The following BANK1 variants were observed in gnomAD, a reference collection of about 807,000 sequenced individuals.
The protein encoded by BANK1 is B-cell scaffold protein with ankyrin repeats.
Under a neutral mutation model 94.5 loss-of-function variants are expected in BANK1, and 95 were observed. That is an observed-to-expected ratio of 1.00 (90% CI 0.85 to 1.19). The LOEUF is 1.19. Among genes scored for constraint, BANK1 ranks in the 50% most tolerant of loss-of-function variants. The pLI is 0.00. For missense variants in BANK1, 987 were observed against 932.2 expected (o/e 1.06, Z -0.77); for synonymous variants, 334 against 308.4 (o/e 1.08, Z -0.87).
Position 102,025,519 on chromosome 4 carries a change from AG to A in BANK1, c.1594+12del. 3 of 1,610,230 alleles carry A rather than the reference AG, an allele frequency of 1.9e-6. No individual in the cohort carries two copies. The highest frequency in any genetic ancestry group is 2.5e-6 in the Non-Finnish European group (3 of 1,178,464). On this transcript the variant is annotated intron_variant, in intron 9 of 16. Transcript: ENST00000322953. ...CACTTCACCTTACCAGGTAAGTTTA[AG>A]GTTAGAAAAAAACAAAACAAAACAA...
At chr4:101,911,226 A>C (rs892714450) in intron 6 of BANK1, among the ~76,000 whole-genome samples, 21 of 152,154 alleles carry the variant, frequency 1.4e-4, no homozygotes, top group African/African-American at 4.8e-4. Flanking sequence ...TATAGTGAGC[A>C]TGAGCTCGGG....
intron 7 of BANK1, among the ~76,000 whole-genome samples, chr4:101,939,008 A>G (rs1723659654): frequency 6.6e-6 from 1 of 151,744 alleles, no homozygotes; most frequent in Non-Finnish European, 1.5e-5. Flanking sequence ...CCTGAGACGC[A>G]GCATTTCCTG....
intron 7 of BANK1, among the ~76,000 whole-genome samples, chr4:101,999,475 G>C (rs1725990219): frequency 6.6e-6 from 1 of 152,132 alleles, no homozygotes; most frequent in African/African-American, 2.4e-5. Flanking sequence ...TAAACTCCCT[G>C]GATGTATATC....
chr4:101,941,032 C>A (rs188530757), intron 7 of BANK1, among the ~76,000 whole-genome samples: 11 of 151,898 alleles, frequency 7.2e-5, no homozygotes, highest in African/African-American at 2.4e-4. Context: ...CCCCCCTTTA[C>A]TTATTTTATG....
intron 3 of BANK1, 74 bp from the exon 4 acceptor site, chr4:101,862,452 A>C: frequency 7.8e-7 from 1 of 1,278,966 alleles, no homozygotes; most frequent in Non-Finnish European, 1.1e-6. Flanking sequence ...CTTAATTATA[A>C]AGAAATGTAA....
chr4:102,074,632 AATCT>A lies in BANK1; in HGVS notation c.*636_*639del, dbSNP rs1553947368. 1.3e-5 allele frequency: 2 copies of A among 152,162 alleles called. No homozygotes were observed. The highest frequency in any genetic ancestry group is 4.1e-4 in the South Asian group (2 of 4,828). 9.4% of individuals were successfully genotyped at this position (152,162 alleles called of 1,614,324 possible). On this transcript the variant is annotated 3_prime_UTR_variant, in exon 17 of 17. Coordinates refer to ENST00000322953, the MANE Select transcript of BANK1 (RefSeq NM_017935.5). ...TTGTATTAAGACTTGCAATTTTATC[AATCT>A]ATTATTTCTTAGAAACAATTTACTA... is the stretch of plus-strand genomic sequence containing the variant.
At chr4:101,862,227 A>G (rs1454381668) in intron 3 of BANK1, among the ~76,000 whole-genome samples, 4 of 152,144 alleles carry the variant, frequency 2.6e-5, no homozygotes, top group African/African-American at 9.6e-5. Flanking sequence ...ACAGAGAGCC[A>G]TATTGAGGAA....
chr4:101,929,423 T>C (rs1438935696), intron 7 of BANK1, among the ~76,000 whole-genome samples: 1 of 151,672 alleles, frequency 6.6e-6, no homozygotes, highest in Non-Finnish European at 1.5e-5. Context: ...TAAATTTTAA[T>C]ATTTTAAACA....
intron 7 of BANK1, among the ~76,000 whole-genome samples, chr4:102,007,138 AAT>A (rs1726320029): frequency 3.2e-5 from 1 of 31,284 alleles, no homozygotes; most frequent in African/African-American, 1.2e-4. Flanking sequence ...ATATATAAAA[AAT>A]ATATTTTATA....
At chr4:102,043,327 C>G (rs183529339) in intron 10 of BANK1, among the ~76,000 whole-genome samples, 1 of 151,918 alleles carries the variant, frequency 6.6e-6, no homozygotes, top group Non-Finnish European at 1.5e-5. Flanking sequence ...TGAAGTAATT[C>G]GAATAAGCTG....
At chr4:102,007,083 T>TATATTTTATATATATAA (rs1578450867) in intron 7 of BANK1, among the ~76,000 whole-genome samples, 2 of 72,310 alleles carry the variant, frequency 2.8e-5, no homozygotes, top group Non-Finnish European at 6.7e-5. Context: ...TATATATAAA[T>TATATTTTATATATATAA]ATATATATAA....
chr4:101,790,782 G>A lies in BANK1; in HGVS notation c.-99G>A. On this transcript the variant is annotated 5_prime_UTR_variant, in exon 1 of 17. Coordinates refer to ENST00000322953, the MANE Select transcript of BANK1 (RefSeq NM_017935.5). ...GCAAGCGGGCTGGGGAGAGCCGAGG[G>A]CCAAAGGAAGAGAAAATCGCGGGGA... 2.3e-6 allele frequency: 3 copies of A among 1,314,778 alleles called. No homozygotes were observed. Among genetic ancestry groups the A allele is most frequent in the East Asian group, 5.0e-5 (2 of 39,628 alleles). 81.4% of individuals were successfully genotyped at this position (1,314,778 alleles called of 1,614,324 possible). A position where few individuals can be genotyped will look rare whatever the true frequency, so the allele number is the denominator to read the frequency against.
intron 3 of BANK1, among the ~76,000 whole-genome samples, chr4:101,860,014 C>T (rs1727808811): frequency 1.3e-5 from 2 of 152,068 alleles, no homozygotes; most frequent in Non-Finnish European, 2.9e-5. Context: ...TTTGAAAGTT[C>T]TAAAACTCTT....
chr4:101,847,775 A>G (rs963082869), intron 2 of BANK1, among the ~76,000 whole-genome samples: 2 of 145,994 alleles, frequency 1.4e-5, no homozygotes, highest in Non-Finnish European at 1.5e-5. Flanking sequence ...ACACACACAC[A>G]TATGTCTCAC....
rs1578328555 is a variant in BANK1 at position 101,808,109 on chromosome 4, A to G, written c.70+17159A>G. Among the ~76,000 whole-genome samples the G allele has an allele frequency of 2.0e-5, 3 of 151,982 alleles. No individual in the cohort carries two copies. In the South Asian group the frequency reaches 6.2e-4, roughly 32 times the overall value. On this transcript the variant is annotated intron_variant, in intron 1 of 16. Coordinates refer to ENST00000322953, the MANE Select transcript of BANK1 (RefSeq NM_017935.5). The stretch of plus-strand genomic sequence containing the variant: ...AAAAAAAAAAAAAGAAATGAAATTT[A>G]AAAAAATAAAAAATAAAATCCAAGA...
Position 101,915,725 on chromosome 4 carries a change from A to G in BANK1, c.1010-2268A>G, listed in dbSNP as rs537004437. On this transcript the variant is annotated intron_variant, in intron 6 of 16. Coordinates refer to ENST00000322953, the MANE Select transcript of BANK1 (RefSeq NM_017935.5). ...TTTATGTAATATGAGAGGTAACAACAAAACTGTAGCATAGGGCTTTGATGG... is the reference window on the plus strand; with the variant it reads ...TTTATGTAATATGAGAGGTAACAACGAAACTGTAGCATAGGGCTTTGATGG... Among the ~76,000 whole-genome samples, 4 of 152,296 alleles carry G rather than the reference A, an allele frequency of 2.6e-5. No homozygotes were observed. In the South Asian group the frequency reaches 6.2e-4, roughly 24 times the overall value.
chr4:101,868,253 CAG>C (rs1728151562), intron 4 of BANK1, among the ~76,000 whole-genome samples: 1 of 151,848 alleles, frequency 6.6e-6, no homozygotes, highest in African/African-American at 2.4e-5. Context: ...ATATTAATGA[CAG>C]AGATCAAAAC....
chr4:101,913,990 G>T (rs560736061), intron 6 of BANK1, among the ~76,000 whole-genome samples: 1 of 152,026 alleles, frequency 6.6e-6, no homozygotes, highest in Non-Finnish European at 1.5e-5. Context: ...AATCTTAAGC[G>T]TACAATTCAA....
chr4:102,065,685 A>C (rs1335015214), intron 13 of BANK1, among the ~76,000 whole-genome samples: 1 of 152,082 alleles, frequency 6.6e-6, no homozygotes, highest in Non-Finnish European at 1.5e-5. Flanking sequence ...AAAGGAGAGA[A>C]TAAATAGGGA....
Sources: gnomAD v4.1 joint callset for allele counts (sites outside exome capture counted in the v4.1 genomes callset) on GRCh38, gnomAD v4.1.1 for gene constraint, MANE v1.5 for transcripts, NCBI Gene and HGNC (gene_info 2026-07-23, HGNC 2026-07-21) for gene names.